Variants in KCNB2 observed in about 807,000 individuals in gnomAD.
KCNB2 encodes potassium voltage-gated channel subfamily B member 2.
In KCNB2, 15 loss-of-function variants were observed where a neutral mutation model predicts 61.5. The observed-to-expected ratio is 0.24, with a 90% CI of 0.16 to 0.38. KCNB2 has a LOEUF of 0.38. Among genes scored for constraint, KCNB2 ranks in the 10% least tolerant of loss-of-function variants. The pLI is 1.00. For synonymous variants in KCNB2, 457 were observed against 446.0 expected (o/e 1.02, Z -0.31); for missense variants, 828 against 1,125.2 (o/e 0.74, Z 3.78).
At chr8:72,594,877 ATTAGGAAAAAC>A (rs1807161607) in intron 2 of KCNB2, among the ~76,000 whole-genome samples, 1 of 152,232 alleles carries the variant, frequency 6.6e-6, no homozygotes, top group Non-Finnish European at 1.5e-5. Context: ...ACCAAATTAG[ATTAGGAAAAAC>A]TTCCTTAGTG....
chr8:72,843,666 C>T (rs1809934735), intron 2 of KCNB2, among the ~76,000 whole-genome samples: 1 of 152,106 alleles, frequency 6.6e-6, no homozygotes, highest in Non-Finnish European at 1.5e-5. Flanking sequence ...CTTCCTGTTG[C>T]ATTGATCCCT....
intron 2 of KCNB2, among the ~76,000 whole-genome samples, chr8:72,831,366 C>T (rs186066802): frequency 6.6e-6 from 1 of 152,116 alleles, no homozygotes; most frequent in Non-Finnish European, 1.5e-5. Context: ...TAGAAAGACA[C>T]GATCAAAGCA....
intron 2 of KCNB2, among the ~76,000 whole-genome samples, chr8:72,741,209 T>C (rs1437626500): frequency 6.6e-6 from 1 of 152,194 alleles, no homozygotes; most frequent in East Asian, 1.9e-4. Flanking sequence ...ATTCTGCCAC[T>C]TCCCCACGAG....
At chr8:72,804,352 G>T (rs1291321726) in intron 2 of KCNB2, among the ~76,000 whole-genome samples, 1 of 152,098 alleles carries the variant, frequency 6.6e-6, no homozygotes, top group African/African-American at 2.4e-5. Flanking sequence ...ATGGAATATG[G>T]AGCCTAGAAA....
At chr8:72,771,413 A>T (rs1808557639) in intron 2 of KCNB2, among the ~76,000 whole-genome samples, 1 of 152,118 alleles carries the variant, frequency 6.6e-6, no homozygotes, top group African/African-American at 2.4e-5. Context: ...AACTTTCAAA[A>T]TTGTATTTTA....
At chr8:72,924,221 GT>G (rs1316756531) in intron 2 of KCNB2, among the ~76,000 whole-genome samples, 3 of 152,078 alleles carry the variant, frequency 2.0e-5, no homozygotes, top group South Asian at 2.1e-4. Flanking sequence ...CATCTCCAAG[GT>G]TTTTTTCTAG....
At chr8:72,692,502 G>A (rs1454742298) in intron 2 of KCNB2, among the ~76,000 whole-genome samples, 1 of 151,918 alleles carries the variant, frequency 6.6e-6, no homozygotes, top group African/African-American at 2.4e-5. Context: ...TAGTGTGAAA[G>A]TTCTTCTCCT....
chr8:72,835,865 G>A (rs1227036881), intron 2 of KCNB2, among the ~76,000 whole-genome samples: 1 of 152,160 alleles, frequency 6.6e-6, no homozygotes, highest in East Asian at 1.9e-4. Context: ...CAGGTGCTGC[G>A]CTAGCTGTGA....
Position 72,567,692 on chromosome 8 carries a change from C to T in KCNB2, c.-43C>T. 1 of 1,394,602 alleles carries T rather than the reference C, an allele frequency of 7.2e-7. No homozygotes were observed. The highest frequency in any genetic ancestry group is 9.7e-7 in the Non-Finnish European group (1 of 1,033,810). 86.4% of individuals were successfully genotyped at this position (1,394,602 alleles called of 1,614,324 possible). A position where few individuals can be genotyped will look rare whatever the true frequency, so the allele number is the denominator to read the frequency against. The stretch of plus-strand genomic sequence containing the variant: ...AGAGGGATATTGCTTCAGTTGACCT[C>T]ATTTTTTAAGGACCCTGGCTCTGCG... On this transcript the variant is annotated 5_prime_UTR_variant, in exon 2 of 3. Coordinates refer to ENST00000523207, the MANE Select transcript of KCNB2 (RefSeq NM_004770.3).
In KCNB2 at chr8:72,630,031, C is replaced by T. The variant is rs958959743; in HGVS notation, c.579+61718C>T. 4.6e-5 allele frequency among the ~76,000 whole-genome samples: 7 copies of T among 152,174 alleles called. No individual in the cohort carries two copies. In the East Asian group the frequency reaches 1.3e-3, roughly 29 times the overall value. On this transcript the variant is annotated intron_variant, in intron 2 of 2. Coordinates refer to ENST00000523207, the MANE Select transcript of KCNB2 (RefSeq NM_004770.3). ...TTGAAGCATGGTTGTCTGTTAAGCA[C>T]ACAATTGTGTAGGATATTACTGTTA... is the stretch of plus-strand genomic sequence containing the variant.
chr8:72,724,182 G>T (rs1270361231), intron 2 of KCNB2, among the ~76,000 whole-genome samples: 1 of 152,122 alleles, frequency 6.6e-6, no homozygotes, highest in East Asian at 1.9e-4. Context: ...CTTCCTTGAG[G>T]ATATCACGTG....
At chr8:72,928,385 A>C (rs1436990672) in intron 2 of KCNB2, among the ~76,000 whole-genome samples, 1 of 151,844 alleles carries the variant, frequency 6.6e-6, no homozygotes, top group African/African-American at 2.4e-5. Flanking sequence ...TGGTAGAGAC[A>C]AGATTTCACC....
chr8:72,572,739 A>T (rs1806731815), intron 2 of KCNB2, among the ~76,000 whole-genome samples: 1 of 152,202 alleles, frequency 6.6e-6, no homozygotes, highest in South Asian at 2.1e-4. Flanking sequence ...GAGAAAAATT[A>T]AGTTAAATTG....
intron 2 of KCNB2, among the ~76,000 whole-genome samples, chr8:72,696,312 CTAAGAGTTGCATAAAG>C (rs1223412590): frequency 2.0e-5 from 3 of 152,030 alleles, no homozygotes; most frequent in Non-Finnish European, 4.4e-5. Context: ...GCTGAGTGGC[CTAAGAGTTGCATAAAG>C]TAATAGGATA....
chr8:72,595,572 C>T (rs768027797), intron 2 of KCNB2, among the ~76,000 whole-genome samples: 5 of 152,198 alleles, frequency 3.3e-5, no homozygotes, highest in South Asian at 2.1e-4. Flanking sequence ...GATCCGCCCA[C>T]GTCGGCCTCC....
chr8:72,788,362 A>G (rs1479551449), intron 2 of KCNB2, among the ~76,000 whole-genome samples: 1 of 152,064 alleles, frequency 6.6e-6, no homozygotes, highest in Non-Finnish European at 1.5e-5. Context: ...TTCTGTCCTC[A>G]TAAGGCATTT....
intron 2 of KCNB2, among the ~76,000 whole-genome samples, chr8:72,610,462 A>G (rs78533745): frequency 1.3e-5 from 2 of 152,320 alleles, no homozygotes; most frequent in East Asian, 3.9e-4. Flanking sequence ...CTAGGTATGC[A>G]ATTTGTTTGC....
At chr8:72,728,802 C>CA (rs1318087207) in intron 2 of KCNB2, among the ~76,000 whole-genome samples, 1 of 152,184 alleles carries the variant, frequency 6.6e-6, no homozygotes, top group Non-Finnish European at 1.5e-5. Flanking sequence ...GAGAAAGCAA[C>CA]ACAGGGTATT....
At chr8:72,821,559 T>C (rs1345835234) in intron 2 of KCNB2, among the ~76,000 whole-genome samples, 1 of 148,300 alleles carries the variant, frequency 6.7e-6, no homozygotes, top group Non-Finnish European at 1.5e-5. Context: ...ATCATAGAAT[T>C]TGTTAAAGAA....
Sources: allele counts gnomAD v4.1 joint callset (sites outside exome capture counted in the v4.1 genomes callset), GRCh38; gene constraint gnomAD v4.1.1; transcripts MANE v1.5; gene names NCBI Gene and HGNC (gene_info 2026-07-23, HGNC 2026-07-21).